The following LAMB4 variants were observed in gnomAD, a reference collection of about 807,000 sequenced individuals.
LAMB4 encodes laminin subunit beta 4.
A neutral mutation model predicts 199.2 loss-of-function variants in LAMB4; 196 were observed. The observed-to-expected ratio is 0.98, with a 90% CI of 0.88 to 1.11. LAMB4 has a LOEUF of 1.11. LAMB4 is among the 50% of genes least tolerant of loss of function. The pLI is 0.00. For missense variants in LAMB4, 2,080 were observed against 2,171.2 expected (o/e 0.96, Z 0.83); for synonymous variants, 744 against 770.6 (o/e 0.97, Z 0.57).
At chr7:108,096,855 G>A (rs2037620451) in intron 11 of LAMB4, among the ~76,000 whole-genome samples, 1 of 136,984 alleles carries the variant, frequency 7.3e-6, no homozygotes, top group Admixed American at 8.1e-5. Context: ...AAAATTGCTT[G>A]AGTCCAGGAG....
chr7:108,019,648 C>T (rs186470648), downstream of LAMB4, among the ~76,000 whole-genome samples: 3 of 152,228 alleles, frequency 2.0e-5, no homozygotes, highest in Admixed American at 2.0e-4. Flanking sequence ...TCACATCAAA[C>T]TGCAAGGGAG....
At chr7:108,118,780 G>T (rs917919547) in intron 2 of LAMB4, among the ~76,000 whole-genome samples, 3 of 151,758 alleles carry the variant, frequency 2.0e-5, no homozygotes, top group Admixed American at 6.6e-5. Flanking sequence ...CATAAAAGGA[G>T]AATTTAGAAA....
chr7:108,051,266 AG>A (rs985579315), intron 26 of LAMB4, among the ~76,000 whole-genome samples: 7 of 152,146 alleles, frequency 4.6e-5, no homozygotes, highest in African/African-American at 1.7e-4. Flanking sequence ...GCATCCCTTT[AG>A]GGAAATTAGG....
chr7:108,064,256 A>T (rs979806042), intron 21 of LAMB4, among the ~76,000 whole-genome samples: 5 of 152,222 alleles, frequency 3.3e-5, no homozygotes, highest in African/African-American at 1.2e-4. Flanking sequence ...AGCTGTGGGC[A>T]CAGGATTTCT....
chr7:108,051,880 T>G (rs1018038559), intron 26 of LAMB4, among the ~76,000 whole-genome samples: 3 of 152,210 alleles, frequency 2.0e-5, no homozygotes, highest in Non-Finnish European at 2.9e-5. Flanking sequence ...TATCAGACAT[T>G]GTTTACTTGT....
the LAMB4 span, among the ~76,000 whole-genome samples, chr7:108,013,352 A>G: frequency 6.6e-6 from 1 of 152,200 alleles, no homozygotes; most frequent in Non-Finnish European, 1.5e-5. Flanking sequence ...GGTGAGCCAC[A>G]GCCAATACGC....
At chr7:108,088,429 G>C (rs1273859986) in intron 14 of LAMB4, among the ~76,000 whole-genome samples, 1 of 152,168 alleles carries the variant, frequency 6.6e-6, no homozygotes, top group African/African-American at 2.4e-5. Flanking sequence ...CTCTCAAAGT[G>C]CTGGGATTAC....
chr7:108,096,305 G>T (rs1253623321), intron 11 of LAMB4, among the ~76,000 whole-genome samples: 1 of 152,054 alleles, frequency 6.6e-6, no homozygotes, highest in Non-Finnish European at 1.5e-5. Flanking sequence ...TGTTCTTAAG[G>T]ATCATCCATG....
intron 12 of LAMB4, among the ~76,000 whole-genome samples, chr7:108,093,373 G>T (rs2037484120): frequency 6.6e-6 from 1 of 152,128 alleles, no homozygotes; most frequent in Non-Finnish European, 1.5e-5. Flanking sequence ...CCGTGTAACT[G>T]CTTTTAAAAA....
intron 14 of LAMB4, among the ~76,000 whole-genome samples, chr7:108,088,265 T>A (rs1206188776): frequency 6.6e-6 from 1 of 152,008 alleles, no homozygotes; most frequent in Non-Finnish European, 1.5e-5. Context: ...TGGGTTTAAG[T>A]GATTCTTGTG....
At chr7:108,118,121 T>A (rs1266067698) in intron 2 of LAMB4, among the ~76,000 whole-genome samples, 1 of 149,004 alleles carries the variant, frequency 6.7e-6, no homozygotes, top group African/African-American at 2.4e-5. Context: ...ATAGAAATAG[T>A]TTTTTTTCTT....
the LAMB4 span, among the ~76,000 whole-genome samples, chr7:108,017,223 G>C: frequency 6.6e-6 from 1 of 152,204 alleles, no homozygotes; most frequent in Non-Finnish European, 1.5e-5. Flanking sequence ...AAGCCTTCTA[G>C]AGTGGCCACT....
Position 108,098,549 on chromosome 7 carries a change from C to G in LAMB4, c.1214G>C (p.Gly405Ala). The change falls in exon 11 of 34, where the codon GGT (glycine) becomes GCT (alanine). Residue 405 changes from glycine to alanine, a missense_variant. By Grantham distance (60) the Gly-to-Ala change is moderately conservative (BLOSUM62 0). Transcript: ENST00000388781. ...ATCAGAGTGGCTCACACAAATGCCA[C>G]CAGATATGGTCCCATCGGGGTCACA... ...CECDPDGTIS[G>A]GICVSHSDPA... is the part of the protein sequence containing the mutation. 1 of 1,612,310 alleles carries G rather than the reference C, an allele frequency of 6.2e-7. No homozygotes were observed. Among genetic ancestry groups the G allele is most frequent in the South Asian group, 1.1e-5 (1 of 90,838 alleles).
In LAMB4 at chr7:108,092,384, A is replaced by C; in HGVS notation, c.1503T>G (p.His501Gln). ...VGYWGLGNHL[H>Q]GCSPCDCDIG... ...TATCACAGTCACAGGGAGAACACCCATGGAGATGATTTCCCAGGCCCCAGT... is the reference window on the plus strand; with the variant it reads ...TATCACAGTCACAGGGAGAACACCCCTGGAGATGATTTCCCAGGCCCCAGT... The change falls in exon 13 of 34, where the codon CAT (histidine) becomes CAG (glutamine). Residue 501 changes from histidine (H) to glutamine (Q), a missense_variant. By Grantham distance (24) the His-to-Gln change is conservative. Coordinates refer to ENST00000388781, the MANE Select transcript of LAMB4 (RefSeq NM_007356.3). 1.2e-6 allele frequency: 2 copies of C among 1,614,082 alleles called. No individual in the cohort carries two copies. Among genetic ancestry groups the C allele is most frequent in the Non-Finnish European group, 1.7e-6 (2 of 1,179,912 alleles).
chr7:108,078,446 T>G (rs532717995), intron 15 of LAMB4, 130 bp from the exon 16 acceptor site: 2 of 612,006 alleles, frequency 3.3e-6, no homozygotes, highest in Non-Finnish European at 5.8e-6. Context: ...GCAAAGAGTT[T>G]TGGAGTTGAA....
At chr7:108,097,834 C>CA (rs923216750) in intron 11 of LAMB4, among the ~76,000 whole-genome samples, 1 of 152,040 alleles carries the variant, frequency 6.6e-6, no homozygotes, top group Non-Finnish European at 1.5e-5. Flanking sequence ...TAGTGGAAAC[C>CA]AAAAAAACTT....
In LAMB4 at chr7:108,024,104, G is replaced by C; in HGVS notation, c.5221C>G (p.Gln1741Glu). 1 of 1,603,854 alleles carries C rather than the reference G, an allele frequency of 6.2e-7. No individual in the cohort carries two copies. The highest frequency in any genetic ancestry group is 8.5e-7 in the Non-Finnish European group (1 of 1,173,080). ...ATTTCATTTTTAATGGCAACAACTT[G>C]ATCTTCCAATATTCTCAGTTGATCA... ...KADQLRILED[Q>E]VVAIKNEIVE... The change falls in exon 34 of 34, where the codon CAA becomes GAA. Residue 1741 changes from glutamine (Q) to glutamate (E), a missense_variant. By Grantham distance (29) the Gln-to-Glu change is conservative. Coordinates refer to ENST00000388781, the MANE Select transcript of LAMB4 (RefSeq NM_007356.3).
chr7:108,043,353 C>G (rs113410778), intron 29 of LAMB4, among the ~76,000 whole-genome samples: 1 of 152,018 alleles, frequency 6.6e-6, no homozygotes, highest in East Asian at 1.9e-4. Context: ...ACACAAAGTT[C>G]ATGTGTTTGG....
At chr7:108,067,694 C>T (rs2036389482) in intron 19 of LAMB4, among the ~76,000 whole-genome samples, 1 of 152,170 alleles carries the variant, frequency 6.6e-6, no homozygotes, top group African/African-American at 2.4e-5. Context: ...CTGGCTTTGC[C>T]AGCTCCCTTC....
Sources: allele counts gnomAD v4.1 joint callset (sites outside exome capture counted in the v4.1 genomes callset), GRCh38; gene constraint gnomAD v4.1.1; transcripts MANE v1.5; gene names NCBI Gene and HGNC (gene_info 2026-07-23, HGNC 2026-07-21).